VPS53: variants seen among roughly 807,000 people sequenced by gnomAD.
The protein encoded by VPS53 is vacuolar protein sorting-associated protein 53 homolog.
A neutral mutation model predicts 107.0 loss-of-function variants in VPS53; 70 were observed. The observed-to-expected ratio is 0.65, with a 90% CI of 0.54 to 0.80. The LOEUF (loss-of-function observed/expected upper bound fraction) is 0.80, where lower values mean the gene tolerates loss of function less well. Among genes scored for constraint, VPS53 ranks in the 30% least tolerant of loss-of-function variants. VPS53 has a pLI of 0.00. For missense variants in VPS53, 917 were observed against 1,049.4 expected (o/e 0.87, Z 1.74); for synonymous variants, 409 against 393.3 (o/e 1.04, Z -0.47).
chr17:664,877 G>A (rs62053781), intron 4 of VPS53, among the ~76,000 whole-genome samples: 11,718 of 152,206 alleles, frequency 0.077, 575 homozygotes, highest in Non-Finnish European at 0.11. Context: ...GATGACGCCC[G>A]GGTTTTGGTT....
At chr17:603,860 G>C (rs867587973) in intron 11 of VPS53, among the ~76,000 whole-genome samples, 31 of 152,306 alleles carry the variant, frequency 2.0e-4, no homozygotes, top group Admixed American at 5.9e-4. Flanking sequence ...AATCTACCAA[G>C]CTTAATCTTC....
At chr17:525,459 C>T (rs1256270546) in intron 19 of VPS53, among the ~76,000 whole-genome samples, 1 of 151,764 alleles carries the variant, frequency 6.6e-6, no homozygotes, top group Non-Finnish European at 1.5e-5. Flanking sequence ...GAGGCTGAGG[C>T]AGAAGGATCA....
intron 12 of VPS53, among the ~76,000 whole-genome samples, chr17:597,626 T>C (rs535953007): frequency 1.3e-5 from 2 of 152,242 alleles, no homozygotes; most frequent in Admixed American, 6.5e-5. Flanking sequence ...CACTGTAACC[T>C]CCGCCTCCCA....
chr17:619,245 C>A (rs1404452750), intron 11 of VPS53, among the ~76,000 whole-genome samples: 1 of 145,882 alleles, frequency 6.9e-6, no homozygotes, highest in Non-Finnish European at 1.5e-5. Context: ...GCTAATATTT[C>A]CTGGGTAGCT....
At chr17:643,379 A>C (rs1970530685) in intron 7 of VPS53, among the ~76,000 whole-genome samples, 1 of 149,340 alleles carries the variant, frequency 6.7e-6, no homozygotes, top group African/African-American at 2.5e-5. Context: ...GACAACACTC[A>C]TACTTGGCAA....
At position 601,827 on chromosome 17, in the gene VPS53, C is replaced by G. The variant is rs1281035694; in HGVS notation, c.1186G>C (p.Glu396Gln). The change falls in exon 12 of 22, where the codon GAA becomes CAA. Residue 396 changes from glutamate to glutamine, a missense_variant. Transcript: ENST00000437048. Reference protein sequence around the residue: ...LEDEPTPEMEELATEKGDLDQ... With the variant: ...LEDEPTPEMEQLATEKGDLDQ... ...AAATCTCCTTTCTCCGTTGCCAGTTCCTCCATCTCTGGTGTTGGCTCATCT... is the reference window on the plus strand; with the variant it reads ...AAATCTCCTTTCTCCGTTGCCAGTTGCTCCATCTCTGGTGTTGGCTCATCT... 1 of 1,602,730 alleles carries G rather than the reference C, an allele frequency of 6.2e-7. No homozygotes were observed. The highest frequency in any genetic ancestry group is 1.7e-5 in the Admixed American group (1 of 58,654).
chr17:581,145 C>T (rs1410475465), intron 13 of VPS53, among the ~76,000 whole-genome samples: 4 of 150,340 alleles, frequency 2.7e-5, no homozygotes, highest in African/African-American at 9.8e-5. Context: ...TTCCAGAGAA[C>T]CTCCCTTAAA....
At chr17:661,364 A>C (rs916715159) in intron 5 of VPS53, among the ~76,000 whole-genome samples, 1 of 151,856 alleles carries the variant, frequency 6.6e-6, no homozygotes, top group African/African-American at 2.4e-5. Context: ...TACTAAAAAT[A>C]CAAAAAATTA....
chr17:651,744 C>A (rs1006144036), intron 7 of VPS53, among the ~76,000 whole-genome samples: 1 of 152,192 alleles, frequency 6.6e-6, no homozygotes, highest in Non-Finnish European at 1.5e-5. Context: ...TTCTTTGCTG[C>A]AAGGAAGGTT....
At chr17:542,922 A>G (rs4968070) in intron 17 of VPS53, among the ~76,000 whole-genome samples, 94,051 of 151,102 alleles carry the variant, frequency 0.62, 32,018 homozygotes, top group African/African-American at 0.89. Context: ...AGGTTGCCAT[A>G]AGCACAAATC....
chr17:519,398 A>T lies in VPS53; in HGVS notation c.2329-100T>A. The T allele has an allele frequency of 8.2e-7, 1 of 1,215,874 alleles. No homozygotes were observed. Among genetic ancestry groups the T allele is most frequent in the Admixed American group, 3.4e-5 (1 of 29,762 alleles). The allele number at this position is 1,215,874 out of a possible 1,614,324, so 75.3% of individuals were successfully genotyped here. On this transcript the variant is annotated intron_variant, in intron 21 of 21. Transcript: ENST00000437048. This position sits in a 1 kb window ranked among gnomAD's most constrained non-coding sequence, Gnocchi z 5.0. Reference sequence around the variant, plus strand: ...GATATGGGGTCAGCAGAGGCTCTGGAGACAGCATAGTTACTCCAGGCTGAG... The same window carrying T: ...GATATGGGGTCAGCAGAGGCTCTGGTGACAGCATAGTTACTCCAGGCTGAG...
chr17:609,316 G>A (rs1968730271), intron 11 of VPS53, among the ~76,000 whole-genome samples: 1 of 152,154 alleles, frequency 6.6e-6, no homozygotes, highest in Non-Finnish European at 1.5e-5. Context: ...CCAGGTCAGG[G>A]CACGTATCAG....
At chr17:535,810 C>A (rs1188334950) in intron 18 of VPS53, among the ~76,000 whole-genome samples, 1 of 152,180 alleles carries the variant, frequency 6.6e-6, no homozygotes, top group Non-Finnish European at 1.5e-5. Context: ...CCTTTCTTGA[C>A]AAACTAGAAA....
intron 4 of VPS53, among the ~76,000 whole-genome samples, chr17:691,189 C>T (rs2143861135): frequency 6.6e-6 from 1 of 152,316 alleles, no homozygotes; most frequent in South Asian, 2.1e-4. Flanking sequence ...TATCCATTTT[C>T]AATTTCAGAA....
At chr17:599,718 C>A (rs1968234243) in intron 12 of VPS53, among the ~76,000 whole-genome samples, 1 of 150,074 alleles carries the variant, frequency 6.7e-6, no homozygotes, top group Admixed American at 6.7e-5. Context: ...GCCAAATCCC[C>A]CTCTGTGAGA....
intron 15 of VPS53, among the ~76,000 whole-genome samples, chr17:553,874 T>G (rs1168294468): frequency 6.6e-5 from 10 of 152,178 alleles, no homozygotes; most frequent in African/African-American, 2.4e-4. Context: ...CTGGCCAATC[T>G]TACAACCTTA....
chr17:536,895 T>A, intron 18 of VPS53, 133 bp downstream of exon 18: 1 of 1,139,580 alleles, frequency 8.8e-7, no homozygotes, highest in Non-Finnish European at 1.2e-6. Context: ...AGACTGTGCA[T>A]GTTGGGGGGG....
intron 17 of VPS53, among the ~76,000 whole-genome samples, chr17:548,316 CTCCT>C (rs1266344676): frequency 6.6e-6 from 1 of 152,094 alleles, no homozygotes; most frequent in East Asian, 1.9e-4. Flanking sequence ...TCAAGGAAGT[CTCCT>C]TCCGTCAACT....
chr17:519,006 A>G lies in VPS53; in HGVS notation c.*122T>C. The G allele has an allele frequency of 9.1e-7, 1 of 1,099,490 alleles. No individual in the cohort carries two copies. Among genetic ancestry groups the G allele is most frequent in the Non-Finnish European group, 1.3e-6 (1 of 794,054 alleles). 68.1% of individuals were successfully genotyped at this position (1,099,490 alleles called of 1,614,324 possible). On this transcript the variant is annotated 3_prime_UTR_variant, in exon 22 of 22. Transcript: ENST00000437048. The surrounding 1 kb of genome is among the most constrained non-coding windows in gnomAD (Gnocchi z 5.0). The stretch of plus-strand genomic sequence containing the variant: ...TGGGAGAGACTCAGTAACAACCCAC[A>G]TGTCCCAGGAAGTTTGAAGACCGAC...
Sources: gnomAD v4.1 joint callset for allele counts (sites outside exome capture counted in the v4.1 genomes callset) on GRCh38, gnomAD v4.1.1 for gene constraint, Gnocchi (gnomAD v3.1) non-coding constraint, MANE v1.5 for transcripts, NCBI Gene and HGNC (gene_info 2026-07-23, HGNC 2026-07-21) for gene names.